RGPD2: variants seen among roughly 807,000 people sequenced by gnomAD.
RGPD2 encodes the protein RANBP2-like and GRIP domain-containing protein 2.
A neutral mutation model predicts 36.0 loss-of-function variants in RGPD2; 2 were observed. The ratio of observed to expected loss-of-function variants is 0.06; its 90% CI spans 0.02 to 0.17. The LOEUF (loss-of-function observed/expected upper bound fraction) is 0.17, where lower values mean the gene tolerates loss of function less well. Among genes scored for constraint, RGPD2 ranks in the 10% least tolerant of loss-of-function variants. The pLI is 1.00. For synonymous variants in RGPD2, 19 were observed against 163.8 expected (o/e 0.12, Z 6.75); for missense variants, 40 against 464.3 (o/e 0.09, Z 8.40).
At chr2:87,905,367 A>G in the RGPD2 span, among the ~76,000 whole-genome samples, 1 of 152,264 alleles carries the variant, frequency 6.6e-6, no homozygotes, top group African/African-American at 2.4e-5. Context: ...AAAGCAGGAA[A>G]GAGCATCCTG....
chr2:87,960,239 A>T, the RGPD2 span, among the ~76,000 whole-genome samples: 1 of 150,296 alleles, frequency 6.7e-6, no homozygotes, highest in African/African-American at 2.4e-5. Context: ...CCATTTTTCT[A>T]CAGATCTTCT....
At chr2:87,824,466 G>C (rs1192759030) in intron 1 of RGPD2, among the ~76,000 whole-genome samples, 1 of 151,950 alleles carries the variant, frequency 6.6e-6, no homozygotes, top group East Asian at 1.9e-4. Context: ...CAAACTGGGG[G>C]AGAATACTAA....
At chr2:87,847,205 G>C in the RGPD2 span, among the ~76,000 whole-genome samples, 2 of 152,050 alleles carry the variant, frequency 1.3e-5, no homozygotes, top group African/African-American at 4.8e-5. Context: ...CATGTTAAGC[G>C]TAAAACCTTT....
At chr2:87,983,929 A>G in the RGPD2 span, among the ~76,000 whole-genome samples, 4 of 152,238 alleles carry the variant, frequency 2.6e-5, no homozygotes, top group African/African-American at 9.6e-5. Flanking sequence ...GCTAGGTCAC[A>G]TGGCATCTTA....
chr2:87,985,854 A>G, the RGPD2 span: 1 of 1,610,678 alleles, frequency 6.2e-7, no homozygotes, highest in East Asian at 2.2e-5. Context: ...CCACTTGACA[A>G]GCATCTGAAC....
chr2:87,984,006 G>A, the RGPD2 span, among the ~76,000 whole-genome samples: 1 of 151,422 alleles, frequency 6.6e-6, no homozygotes, highest in African/African-American at 2.4e-5. Flanking sequence ...GAGGCGTGAC[G>A]AACGCAACCT....
intron 6 of RGPD2, among the ~76,000 whole-genome samples, chr2:87,809,758 C>G (rs1239191783): frequency 4.0e-5 from 6 of 151,630 alleles, no homozygotes; most frequent in African/African-American, 1.2e-4. Context: ...AAGTCACCCC[C>G]TCATGGTCCG....
the RGPD2 span, among the ~76,000 whole-genome samples, chr2:87,915,341 A>G: frequency 1.5e-5 from 1 of 64,580 alleles, no homozygotes; most frequent in African/African-American, 7.7e-5. Context: ...TGTATATATA[A>G]TGTATATTAT....
At chr2:87,915,328 T>G in the RGPD2 span, among the ~76,000 whole-genome samples, 1 of 114,028 alleles carries the variant, frequency 8.8e-6, no homozygotes, top group African/African-American at 4.0e-5. Flanking sequence ...ATATTATATA[T>G]ATTGTATATA....
At chr2:87,825,577 C>CGAGGCCG (rs1396021846) in intron 1 of RGPD2, 81 bp downstream of exon 1, 1 of 1,036,110 alleles carries the variant, frequency 9.7e-7, no homozygotes, top group Non-Finnish European at 1.2e-6. Flanking sequence ...GCCGCCCGGC[C>CGAGGCCG]AGGTCGAGGC....
At chr2:87,824,315 G>A (rs1370184693) in intron 1 of RGPD2, among the ~76,000 whole-genome samples, 1 of 150,852 alleles carries the variant, frequency 6.6e-6, no homozygotes, top group African/African-American at 2.5e-5. Flanking sequence ...TGAGGGAGTA[G>A]AAAAATGGCA....
chr2:87,758,996 C>T (rs1396844406), intron 22 of RGPD2, among the ~76,000 whole-genome samples: 1 of 144,058 alleles, frequency 6.9e-6, no homozygotes, highest in African/African-American at 2.5e-5. Flanking sequence ...AAACTTTGCT[C>T]AGATCCCAGA....
chr2:87,834,510 A>G, the RGPD2 span, among the ~76,000 whole-genome samples: 1 of 152,126 alleles, frequency 6.6e-6, no homozygotes, highest in East Asian at 1.9e-4. Context: ...CATATTCAGG[A>G]TACAGTGTGA....
the RGPD2 span, chr2:87,985,674 C>T: frequency 1.4e-6 from 2 of 1,406,526 alleles, no homozygotes; most frequent in East Asian, 2.3e-5. Flanking sequence ...ACCAATTATG[C>T]AACCATTACA....
intron 22 of RGPD2, among the ~76,000 whole-genome samples, chr2:87,760,866 C>T (rs1684868826): frequency 6.8e-6 from 1 of 147,818 alleles, no homozygotes; most frequent in African/African-American, 2.5e-5. Context: ...ATCTGCCCGC[C>T]TCGGCCTCCC....
the RGPD2 span, among the ~76,000 whole-genome samples, chr2:87,955,014 TTTTTTTG>T: frequency 7.9e-5 from 3 of 37,948 alleles, no homozygotes; most frequent in African/African-American, 1.5e-4. Context: ...TTTTTTTTTT[TTTTTTTG>T]TTTGAGACGG....
intron 6 of RGPD2, among the ~76,000 whole-genome samples, chr2:87,809,563 G>T (rs1686085082): frequency 7.2e-6 from 1 of 139,116 alleles, no homozygotes; most frequent in Non-Finnish European, 1.6e-5. Flanking sequence ...CAGCTACTCA[G>T]GAGGCTGAGG....
chr2:87,857,344 G>A, the RGPD2 span, among the ~76,000 whole-genome samples: 1 of 151,808 alleles, frequency 6.6e-6, no homozygotes, highest in Non-Finnish European at 1.5e-5. Flanking sequence ...TAAAATATTT[G>A]TATACTTTTT....
chr2:87,979,863 G>A, the RGPD2 span, among the ~76,000 whole-genome samples: 9 of 148,642 alleles, frequency 6.1e-5, no homozygotes, highest in Non-Finnish European at 1.0e-4. Flanking sequence ...GCGATAAGGC[G>A]AGACTCCGTC....
Sources: allele counts gnomAD v4.1 joint callset (sites outside exome capture counted in the v4.1 genomes callset), GRCh38; gene constraint gnomAD v4.1.1; transcripts MANE v1.5; gene names NCBI Gene and HGNC (gene_info 2026-07-23, HGNC 2026-07-21).